Variants in ZNF536 observed in about 807,000 individuals in gnomAD.
ZNF536 encodes zinc finger protein 536.
ZNF536 carries 13 observed loss-of-function variants against 84.5 expected under a neutral mutation model. The observed-to-expected ratio is 0.15, with a 90% CI of 0.10 to 0.24. The LOEUF (loss-of-function observed/expected upper bound fraction) is 0.24. Ranked by LOEUF, ZNF536 falls within the 10% of genes least tolerant of loss-of-function variation. ZNF536 has a pLI of 1.00. For synonymous variants in ZNF536, 811 were observed against 742.5 expected (o/e 1.09, Z -1.50); for missense variants, 1,536 against 1,747.5 (o/e 0.88, Z 2.16).
rs1249110714 is a variant in ZNF536, at chr19:30,444,897, C to A, written c.1335C>A (p.Gly445=). ...GCTTCATGACCCCGGACAAAGCCGG[C>A]CTGAGCGAGCCCAGCCAGCTCTATG... The part of the protein sequence containing the change: ...QSGFMTPDKA[G]LSEPSQLYGK... The change falls in exon 2 of 5, where the codon GGC becomes GGA. Residue 445 remains glycine, a synonymous_variant. Transcript: ENST00000355537. 6.2e-7 allele frequency: 1 copy of A among 1,611,088 alleles called. No homozygotes were observed. The highest frequency in any genetic ancestry group is 8.5e-7 in the Non-Finnish European group (1 of 1,178,776).
At chr19:30,702,096 A>C (rs1404641564) in intron 1 of ZNF536, among the ~76,000 whole-genome samples, 1 of 152,154 alleles carries the variant, frequency 6.6e-6, no homozygotes, top group East Asian at 1.9e-4. Context: ...AGCTGCCCAC[A>C]AGTGTGGTGC....
At position 30,524,213 on chromosome 19, in the gene ZNF536, G is replaced by T. The variant is rs563569114; in HGVS notation, c.2171-10634G>T. Among the ~76,000 whole-genome samples, 142 of 152,296 alleles carry T rather than the reference G, an allele frequency of 9.3e-4. 1 individual carries two copies. The highest frequency in any genetic ancestry group is 3.3e-3 in the African/African-American group (139 of 41,568). On this transcript the variant is annotated intron_variant, in intron 2 of 4. Transcript: ENST00000355537. ...TGCGTACAGCCTGGGAGAGGTAATT[G>T]TTTATCATGTATCTCTTTGTTGCAG...
At chr19:30,449,387 T>C (rs1197194250) in intron 2 of ZNF536, among the ~76,000 whole-genome samples, 10 of 152,248 alleles carry the variant, frequency 6.6e-5, no homozygotes, top group Admixed American at 6.5e-4. Flanking sequence ...TCTTTGCATC[T>C]TTCTCTAAAA....
chr19:30,388,289 C>A (rs1159965741), intron 1 of ZNF536, among the ~76,000 whole-genome samples: 1 of 152,148 alleles, frequency 6.6e-6, no homozygotes, highest in Non-Finnish European at 1.5e-5. Context: ...GGTCTTGGTG[C>A]TGTTGAGGGA....
chr19:30,673,337 A>G (rs2050630845), intron 1 of ZNF536, among the ~76,000 whole-genome samples: 2 of 152,086 alleles, frequency 1.3e-5, no homozygotes, highest in African/African-American at 2.4e-5. Context: ...TCCTCTGCCT[A>G]GATTCCAATA....
At chr19:30,634,139 C>T (rs954881201) in intron 1 of ZNF536, among the ~76,000 whole-genome samples, 1 of 151,814 alleles carries the variant, frequency 6.6e-6, no homozygotes, top group African/African-American at 2.4e-5. Flanking sequence ...ATTAAAGACC[C>T]AAATGTCTTT....
rs1316459569 is a variant in ZNF536 at position 30,580,940 on chromosome 19, C to T, written c.169+31426C>T. Among the ~76,000 whole-genome samples the T allele has an allele frequency of 6.6e-5, 10 of 152,174 alleles. 1 individual carries two copies. The highest frequency in any genetic ancestry group is 1.3e-4 in the Non-Finnish European group (9 of 68,034). Reference sequence around the variant, plus strand: ...CAGGTGGCCCCAGCATTTTCCAAGACCTGTAGGAGCCCATCGGTCCTCATT... The same window carrying T: ...CAGGTGGCCCCAGCATTTTCCAAGATCTGTAGGAGCCCATCGGTCCTCATT... On this transcript the variant is annotated intron_variant, in intron 1 of 1. Transcript: ENST00000592773.
chr19:30,624,290 T>C (rs893464845), intron 1 of ZNF536, among the ~76,000 whole-genome samples: 3 of 152,184 alleles, frequency 2.0e-5, no homozygotes, highest in African/African-American at 7.2e-5. Context: ...GCTTTTAGCA[T>C]CTGTCTCCAT....
At chr19:30,501,855 C>A (rs887386899) in intron 2 of ZNF536, among the ~76,000 whole-genome samples, 30 of 152,100 alleles carry the variant, frequency 2.0e-4, no homozygotes, top group Admixed American at 1.9e-3. Flanking sequence ...TGACCTTGAG[C>A]AGTAGGATAC....
chr19:30,634,059 G>C (rs1166256741), intron 1 of ZNF536, among the ~76,000 whole-genome samples: 1 of 152,020 alleles, frequency 6.6e-6, no homozygotes, highest in Non-Finnish European at 1.5e-5. Context: ...CCCCTTCCCA[G>C]GAGCTCAGGC....
intron 2 of ZNF536, among the ~76,000 whole-genome samples, chr19:30,481,484 C>G (rs2054085876): frequency 6.6e-6 from 1 of 152,240 alleles, no homozygotes; most frequent in Middle Eastern, 3.4e-3. Context: ...AATCCTACCT[C>G]TCTTTTCTGC....
At chr19:30,466,235 A>G (rs554093196) in intron 2 of ZNF536, among the ~76,000 whole-genome samples, 9 of 151,900 alleles carry the variant, frequency 5.9e-5, no homozygotes, top group Admixed American at 3.3e-4. Context: ...AAAAAAATAC[A>G]TATAACATAG....
rs541796907 is a variant in ZNF536, at chr19:30,623,267, G to A, written c.169+73753G>A. On this transcript the variant is annotated intron_variant, in intron 1 of 1. Coordinates refer to the ZNF536 transcript ENST00000592773. ...CTAGACCAGGAACAGCCCTTATTTCGTTATCAAACAGAATCCTAGCTGGTC... is the reference window on the plus strand; with the variant it reads ...CTAGACCAGGAACAGCCCTTATTTCATTATCAAACAGAATCCTAGCTGGTC... Among the ~76,000 whole-genome samples the A allele has an allele frequency of 1.4e-4, 21 of 152,232 alleles. 1 individual carries two copies. The highest frequency in any genetic ancestry group is 3.4e-3 in the Middle Eastern group (1 of 294).
At chr19:30,307,000 A>G (rs1442824295) in intron 2 of ZNF536, among the ~76,000 whole-genome samples, 1 of 152,050 alleles carries the variant, frequency 6.6e-6, no homozygotes, top group East Asian at 1.9e-4. Context: ...ATTTTTATAT[A>G]TATATATCTC....
intron 2 of ZNF536, among the ~76,000 whole-genome samples, chr19:30,527,827 A>G (rs1396686692): frequency 6.6e-6 from 1 of 152,204 alleles, no homozygotes; most frequent in Non-Finnish European, 1.5e-5. Context: ...GACTTTCCCC[A>G]AGGTGTCGGT....
chr19:30,688,922 G>A (rs996651181), intron 1 of ZNF536, among the ~76,000 whole-genome samples: 8 of 152,214 alleles, frequency 5.3e-5, no homozygotes, highest in Non-Finnish European at 7.3e-5. Context: ...CTGCAGAGAG[G>A]GTGGTCTGAG....
At chr19:30,286,490 G>C (rs2045630922) in intron 2 of ZNF536, among the ~76,000 whole-genome samples, 1 of 151,678 alleles carries the variant, frequency 6.6e-6, no homozygotes, top group Non-Finnish European at 1.5e-5. Flanking sequence ...GCATAGGAGA[G>C]AGAGAGAGAC....
At chr19:30,355,176 T>C (rs577224343) in intron 3 of ZNF536, among the ~76,000 whole-genome samples, 35 of 152,142 alleles carry the variant, frequency 2.3e-4, no homozygotes, top group Non-Finnish European at 3.5e-4. Context: ...AACTGCATGA[T>C]GGTGATGCAT....
At chr19:30,497,350 C>T (rs1042558338) in intron 2 of ZNF536, among the ~76,000 whole-genome samples, 5 of 152,208 alleles carry the variant, frequency 3.3e-5, no homozygotes, top group Non-Finnish European at 7.3e-5. Flanking sequence ...GGTCATTCCT[C>T]ATGCACAATA....
Sources: gnomAD v4.1 joint callset for allele counts (sites outside exome capture counted in the v4.1 genomes callset) on GRCh38, gnomAD v4.1.1 for gene constraint, MANE v1.5 for transcripts, NCBI Gene and HGNC (gene_info 2026-07-23, HGNC 2026-07-21) for gene names.